The following KIRREL3 variants were observed in gnomAD, a reference collection of about 807,000 sequenced individuals.
KIRREL3 encodes the protein kin of IRRE-like protein 3.
A neutral mutation model predicts 89.7 loss-of-function variants in KIRREL3; 36 were observed. That is an observed-to-expected ratio of 0.40 (90% CI 0.31 to 0.53). KIRREL3 has a LOEUF of 0.53. Among genes scored for constraint, KIRREL3 ranks in the 20% least tolerant of loss-of-function variants. The pLI is 0.49. For synonymous variants in KIRREL3, 445 were observed against 441.4 expected, an observed-to-expected ratio of 1.01 and a Z score of -0.10; for missense variants, 864 against 1,056.6, an observed-to-expected ratio of 0.82 and a Z score of 2.53.
chr11:126,596,560 T>C (rs2134729596), intron 1 of KIRREL3, among the ~76,000 whole-genome samples: 1 of 152,366 alleles, frequency 6.6e-6, no homozygotes, highest in East Asian at 1.9e-4. Flanking sequence ...GTTTCTTAGC[T>C]GCATTGAGTT....
chr11:126,532,265 C>T (rs1958965659), intron 2 of KIRREL3, among the ~76,000 whole-genome samples: 1 of 152,172 alleles, frequency 6.6e-6, no homozygotes, highest in African/African-American at 2.4e-5. Flanking sequence ...TCACCACTAT[C>T]CGATGTAGGT....
In KIRREL3 at chr11:126,769,447, A is replaced by G. The variant is rs1036643226; in HGVS notation, c.56-206535T>C. On this transcript the variant is annotated intron_variant, in intron 1 of 16. Coordinates refer to ENST00000525144, the MANE Select transcript of KIRREL3 (RefSeq NM_032531.4). This position sits in a 1 kb window ranked among gnomAD's most constrained non-coding sequence, Gnocchi z 4.3. Reference sequence around the variant, plus strand: ...CATTATTGGATAGATATTGCCATCAAGAAGAGGGGCCCACTCCCCGTGAAA... The same window carrying G: ...CATTATTGGATAGATATTGCCATCAGGAAGAGGGGCCCACTCCCCGTGAAA... 2.3e-4 allele frequency among the ~76,000 whole-genome samples: 35 copies of G among 152,294 alleles called. No homozygotes were observed. The highest frequency in any genetic ancestry group is 7.9e-4 in the African/African-American group (33 of 41,564).
rs947509519 is a variant in KIRREL3 at position 126,996,512 on chromosome 11, A to G, written c.55+3943T>C. The stretch of plus-strand genomic sequence containing the variant: ...CTCCTTGCTAGTTCAAGCCTCTTGA[A>G]GTGGCTCCTCCTTTTCCATGCTTCT... On this transcript the variant is annotated intron_variant, in intron 1 of 16. Coordinates refer to ENST00000525144, the MANE Select transcript of KIRREL3 (RefSeq NM_032531.4). This position sits in a 1 kb window ranked among gnomAD's most constrained non-coding sequence, Gnocchi z 4.7. Among the ~76,000 whole-genome samples, 4 of 152,238 alleles carry G rather than the reference A, an allele frequency of 2.6e-5. No individual in the cohort carries two copies. The East Asian group carries it at 7.7e-4, about 29-fold the overall frequency.
At chr11:126,950,584 C>T (rs1169681987) in intron 1 of KIRREL3, among the ~76,000 whole-genome samples, 1 of 152,160 alleles carries the variant, frequency 6.6e-6, no homozygotes, top group Non-Finnish European at 1.5e-5. Context: ...CTTCAGGTCC[C>T]TACTCATGCC....
At chr11:126,613,627 T>G (rs1434241191) in intron 1 of KIRREL3, among the ~76,000 whole-genome samples, 1 of 152,228 alleles carries the variant, frequency 6.6e-6, no homozygotes, top group East Asian at 1.9e-4. Flanking sequence ...TCATCTTCTA[T>G]TAGGTGAAAG....
chr11:126,547,412 G>A (rs770928549), intron 2 of KIRREL3, among the ~76,000 whole-genome samples: 16 of 152,178 alleles, frequency 1.1e-4, no homozygotes, highest in Non-Finnish European at 1.6e-4. Flanking sequence ...TGCATCTGAC[G>A]GAAAACCTAT....
At chr11:126,804,368 T>G (rs1951137391) in intron 1 of KIRREL3, among the ~76,000 whole-genome samples, 1 of 152,190 alleles carries the variant, frequency 6.6e-6, no homozygotes, top group Admixed American at 6.5e-5. Context: ...GCCAATTTAC[T>G]TTGTACAAAT....
chr11:126,472,367 G>A (rs563158291), intron 5 of KIRREL3, among the ~76,000 whole-genome samples: 41 of 152,264 alleles, frequency 2.7e-4, no homozygotes, highest in African/African-American at 9.4e-4. Context: ...TCTGTTGAGG[G>A]ACAGACACCT....
rs1304253555 is a variant in KIRREL3, at chr11:126,614,641, T to A, written c.56-51729A>T. 6.6e-6 allele frequency among the ~76,000 whole-genome samples: 1 copy of A among 152,174 alleles called. No individual in the cohort carries two copies. Among genetic ancestry groups the A allele is most frequent in the Admixed American group, 6.5e-5 (1 of 15,282 alleles). ...GATCTCAGATGTCCCTCCAGATTTC[T>A]GGTTCCTCAGTGTTATGAGCTGGGC... On this transcript the variant is annotated intron_variant, in intron 1 of 16. Transcript: ENST00000525144. The surrounding 1 kb of genome is among the most constrained non-coding windows in gnomAD (Gnocchi z 4.6).
intron 1 of KIRREL3, among the ~76,000 whole-genome samples, chr11:126,588,274 T>C (rs1941966836): frequency 6.6e-6 from 1 of 152,344 alleles, no homozygotes; most frequent in South Asian, 2.1e-4. Flanking sequence ...TGCCCTTTGA[T>C]ACTCAGCTTC....
At chr11:126,886,148 G>A (rs1044128827) in intron 1 of KIRREL3, among the ~76,000 whole-genome samples, 13 of 152,114 alleles carry the variant, frequency 8.5e-5, no homozygotes, top group Non-Finnish European at 2.9e-5. Context: ...TTTGACCCAC[G>A]AATACTTACA....
At chr11:126,712,858 A>G (rs967403948) in intron 1 of KIRREL3, among the ~76,000 whole-genome samples, 1 of 152,250 alleles carries the variant, frequency 6.6e-6, no homozygotes, top group African/African-American at 2.4e-5. Flanking sequence ...GTCACTGAAA[A>G]GAAACCAGTT....
chr11:126,731,840 C>T (rs3862638), intron 1 of KIRREL3, among the ~76,000 whole-genome samples: 61,336 of 152,186 alleles, frequency 0.4, 13,509 homozygotes, highest in East Asian at 0.8. Flanking sequence ...AAAAGCTTGG[C>T]CCCCCAGCAT....
At chr11:126,952,341 T>C (rs1632398) in intron 1 of KIRREL3, among the ~76,000 whole-genome samples, 2 of 151,958 alleles carry the variant, frequency 1.3e-5, no homozygotes, top group Non-Finnish European at 2.9e-5. Flanking sequence ...GCTGAGATCA[T>C]GCCACTGCAT....
chr11:126,712,627 C>A (rs1234335798), intron 1 of KIRREL3, among the ~76,000 whole-genome samples: 1 of 152,170 alleles, frequency 6.6e-6, no homozygotes, highest in African/African-American at 2.4e-5. Flanking sequence ...GGATCACCCG[C>A]CACGGCTTTT....
intron 1 of KIRREL3, among the ~76,000 whole-genome samples, chr11:126,886,231 A>T (rs1945690938): frequency 6.6e-6 from 1 of 152,200 alleles, no homozygotes; most frequent in Non-Finnish European, 1.5e-5. Context: ...ATAGCCCTGA[A>T]GTGTACAAAT....
At chr11:126,829,256 C>T (rs964712745) in intron 1 of KIRREL3, among the ~76,000 whole-genome samples, 4 of 152,252 alleles carry the variant, frequency 2.6e-5, no homozygotes, top group Non-Finnish European at 5.9e-5. Flanking sequence ...GGATCTGTCA[C>T]GGGTGCTAAT....
intron 10 of KIRREL3, among the ~76,000 whole-genome samples, chr11:126,444,640 G>A (rs1955717793): frequency 6.6e-6 from 1 of 152,174 alleles, no homozygotes; most frequent in South Asian, 2.1e-4. Context: ...AGGCCATGGT[G>A]AGTGGATGAA....
chr11:126,812,548 A>G lies in KIRREL3; in HGVS notation c.55+187907T>C. 6.6e-6 allele frequency among the ~76,000 whole-genome samples: 1 copy of G among 152,178 alleles called. No individual in the cohort carries two copies. Among genetic ancestry groups the G allele is most frequent in the East Asian group, 1.9e-4 (1 of 5,200 alleles). On this transcript the variant is annotated intron_variant, in intron 1 of 16. Coordinates refer to ENST00000525144, the MANE Select transcript of KIRREL3 (RefSeq NM_032531.4). The surrounding 1 kb of genome is among the most constrained non-coding windows in gnomAD (Gnocchi z 5.2). The stretch of plus-strand genomic sequence containing the variant: ...TCCAGTACTCCGCACGGTGTCTGGC[A>G]CACAGTAGGCACTTCACAAATGCTA...
Sources: gnomAD v4.1 joint callset for allele counts (sites outside exome capture counted in the v4.1 genomes callset) on GRCh38, gnomAD v4.1.1 for gene constraint, Gnocchi (gnomAD v3.1) non-coding constraint, MANE v1.5 for transcripts, NCBI Gene and HGNC (gene_info 2026-07-23, HGNC 2026-07-21) for gene names.